The following DOK6 variants were observed in gnomAD, a reference collection of about 807,000 sequenced individuals.
The protein encoded by DOK6 is downstream of tyrosine kinase 6.
A neutral mutation model predicts 44.0 loss-of-function variants in DOK6; 22 were observed. That is an observed-to-expected ratio of 0.50 (90% CI 0.36 to 0.71). The LOEUF is 0.71. Ranked by LOEUF, DOK6 falls within the 30% of genes least tolerant of loss-of-function variation. The pLI is 0.00. For missense variants in DOK6, 340 were observed against 416.4 expected (o/e 0.82, Z 1.60); for synonymous variants, 166 against 145.5 (o/e 1.14, Z -1.01).
intron 7 of DOK6, among the ~76,000 whole-genome samples, chr18:69,777,428 A>T: frequency 6.6e-6 from 1 of 152,264 alleles, no homozygotes; most frequent in East Asian, 1.9e-4. Flanking sequence ...GGGTTTATAC[A>T]TAAAGTGCTT....
At chr18:69,688,668 A>AC (rs1426600625) in intron 4 of DOK6, among the ~76,000 whole-genome samples, 1 of 151,798 alleles carries the variant, frequency 6.6e-6, no homozygotes, top group Non-Finnish European at 1.5e-5. Flanking sequence ...GATTGCAGGC[A>AC]CCCCCCATCA....
chr18:69,577,942 G>A lies in DOK6; in HGVS notation c.174+13348G>A, dbSNP rs139733325. ...TGGAAAGCAGATCACTCAGTACTTCGGATTTCTGTTTATTACCCATTTCTC... is the reference window on the plus strand; with the variant it reads ...TGGAAAGCAGATCACTCAGTACTTCAGATTTCTGTTTATTACCCATTTCTC... On this transcript the variant is annotated intron_variant, in intron 2 of 7. Transcript: ENST00000382713. 5.9e-4 allele frequency among the ~76,000 whole-genome samples: 89 copies of A among 152,064 alleles called. 1 individual carries two copies. Among genetic ancestry groups the A allele is most frequent in the Non-Finnish European group, 1.1e-3 (78 of 67,980 alleles).
intron 4 of DOK6, among the ~76,000 whole-genome samples, chr18:69,695,762 T>A (rs1211341842): frequency 6.6e-6 from 1 of 152,214 alleles, no homozygotes; most frequent in East Asian, 1.9e-4. Flanking sequence ...TAGGAGAGAA[T>A]AGATTTTGAA....
chr18:69,631,563 C>T (rs1269736261), intron 3 of DOK6, among the ~76,000 whole-genome samples: 1 of 152,154 alleles, frequency 6.6e-6, no homozygotes, highest in Non-Finnish European at 1.5e-5. Context: ...TCTAACCTCC[C>T]CTCTTTCAGG....
chr18:69,564,936 T>C (rs1568297907), intron 2 of DOK6, among the ~76,000 whole-genome samples: 1 of 152,170 alleles, frequency 6.6e-6, no homozygotes, highest in South Asian at 2.1e-4. Context: ...CAATATTTAC[T>C]AGATAAAAAT....
At chr18:69,507,232 T>G (rs894915862) in intron 1 of DOK6, among the ~76,000 whole-genome samples, 1 of 152,118 alleles carries the variant, frequency 6.6e-6, no homozygotes, top group Admixed American at 6.5e-5. Context: ...TTTCACCGTG[T>G]TAGCCAGAAT....
chr18:69,744,329 AACTGCAAAT>A (rs1978907535), intron 6 of DOK6, among the ~76,000 whole-genome samples: 1 of 151,394 alleles, frequency 6.6e-6, no homozygotes, highest in African/African-American at 2.4e-5. Flanking sequence ...AAAAAAGAAT[AACTGCAAAT>A]ACAGTTATTA....
At chr18:69,512,175 G>A (rs1981384859) in intron 1 of DOK6, among the ~76,000 whole-genome samples, 1 of 146,764 alleles carries the variant, frequency 6.8e-6, no homozygotes, top group Admixed American at 7.0e-5. Context: ...GGGTCTCCTT[G>A]TCTCGGTACT....
intron 1 of DOK6, among the ~76,000 whole-genome samples, chr18:69,466,650 AAAAC>A (rs950696282): frequency 2.6e-5 from 4 of 152,082 alleles, no homozygotes; most frequent in African/African-American, 9.7e-5. Flanking sequence ...AAATTTTTCA[AAAAC>A]AAAAAAAAAG....
chr18:69,490,100 T>C (rs1228745008), intron 1 of DOK6, among the ~76,000 whole-genome samples: 1 of 152,192 alleles, frequency 6.6e-6, no homozygotes, highest in Non-Finnish European at 1.5e-5. Flanking sequence ...ATTGTCCTGA[T>C]ATATTTTCTA....
At chr18:69,509,802 A>G (rs957024584) in intron 1 of DOK6, among the ~76,000 whole-genome samples, 2 of 152,230 alleles carry the variant, frequency 1.3e-5, no homozygotes, top group East Asian at 1.9e-4. Context: ...AACTGTCTCT[A>G]CATATTTTTA....
chr18:69,754,366 AAAG>A (rs1313246951), intron 6 of DOK6, among the ~76,000 whole-genome samples: 8 of 151,678 alleles, frequency 5.3e-5, no homozygotes, highest in South Asian at 2.1e-4. Context: ...AAAAAAAAAA[AAAG>A]AAGTTATCAA....
At chr18:69,529,633 C>A (rs1981929682) in intron 1 of DOK6, among the ~76,000 whole-genome samples, 1 of 152,178 alleles carries the variant, frequency 6.6e-6, no homozygotes, top group African/African-American at 2.4e-5. Context: ...ACTATATTTT[C>A]TTCCTTTAAA....
At chr18:69,693,773 T>C (rs1489409481) in intron 4 of DOK6, among the ~76,000 whole-genome samples, 2 of 151,996 alleles carry the variant, frequency 1.3e-5, no homozygotes, top group Non-Finnish European at 2.9e-5. Flanking sequence ...AATAGATCTA[T>C]TTAGGCCGGG....
chr18:69,692,470 A>G (rs982746781), intron 4 of DOK6, among the ~76,000 whole-genome samples: 2 of 152,226 alleles, frequency 1.3e-5, no homozygotes, highest in Admixed American at 1.3e-4. Flanking sequence ...TAACCTAAAC[A>G]ATGTCTTCCA....
intron 7 of DOK6, among the ~76,000 whole-genome samples, chr18:69,769,281 T>A (rs1022158416): frequency 3.3e-5 from 5 of 152,080 alleles, no homozygotes; most frequent in African/African-American, 1.2e-4. Context: ...AAAGCTGCAC[T>A]TAGTTTTTTA....
chr18:69,644,282 A>C (rs968058781), intron 3 of DOK6, among the ~76,000 whole-genome samples: 1 of 152,234 alleles, frequency 6.6e-6, no homozygotes, highest in African/African-American at 2.4e-5. Context: ...CCAGTTTATT[A>C]GTTTTTCTTT....
chr18:69,614,686 C>T (rs933908134), intron 3 of DOK6, among the ~76,000 whole-genome samples: 3 of 151,606 alleles, frequency 2.0e-5, no homozygotes, highest in Middle Eastern at 3.2e-3. Context: ...GTTTTGCATC[C>T]GTGTTACAGC....
At chr18:69,690,942 A>G (rs575850091) in intron 4 of DOK6, among the ~76,000 whole-genome samples, 5 of 152,232 alleles carry the variant, frequency 3.3e-5, no homozygotes, top group African/African-American at 1.2e-4. Context: ...GCACTTTGGG[A>G]GGCCGAGACA....
Sources: allele counts gnomAD v4.1 joint callset (sites outside exome capture counted in the v4.1 genomes callset), GRCh38; gene constraint gnomAD v4.1.1; transcripts MANE v1.5; gene names NCBI Gene and HGNC (gene_info 2026-07-23, HGNC 2026-07-21).